NTAN1: variants seen among roughly 807,000 people sequenced by gnomAD.
The protein encoded by NTAN1 is N-terminal asparagine amidase.
Under a neutral mutation model 41.9 loss-of-function variants are expected in NTAN1, and 32 were observed. That is an observed-to-expected ratio of 0.76 (90% CI 0.58 to 1.03). The LOEUF is 1.03. Among genes scored for constraint, NTAN1 ranks in the 50% least tolerant of loss-of-function variants. The probability of loss-of-function intolerance (pLI) is 0.00; values close to 1 mark genes in which losing one functional copy is unlikely to be tolerated. For synonymous variants in NTAN1, 140 were observed against 139.5 expected, an observed-to-expected ratio of 1.00 and a Z score of -0.03; for missense variants, 377 against 377.5, an observed-to-expected ratio of 1.00 and a Z score of 0.01.
Position 15,041,756 on chromosome 16 carries a change from G to C in NTAN1, c.434-80C>G. On this transcript the variant is annotated intron_variant, in intron 5 of 9. Transcript: ENST00000287706. ...CAAACTGCTGAGCAAGCCAACGACAGGGAGGGACGGCAGCCAACTGAGTGT... is the reference window on the plus strand; with the variant it reads ...CAAACTGCTGAGCAAGCCAACGACACGGAGGGACGGCAGCCAACTGAGTGT... The C allele has an allele frequency of 7.8e-6, 8 of 1,021,102 alleles. 1 individual carries two copies. The South Asian group carries it at 8.9e-5, about 11-fold the overall frequency. The allele number at this position is 1,021,102 out of a possible 1,614,324, so 63.3% of individuals were successfully genotyped here.
chr16:15,038,454 CAA>C, intron 9 of NTAN1, 118 bp downstream of exon 9: 1 of 657,606 alleles, frequency 1.5e-6, no homozygotes, highest in Non-Finnish European at 2.7e-6. Context: ...CAATGGCATC[CAA>C]AAAGTTACTA....
At chr16:15,041,775 T>G in intron 5 of NTAN1, 99 bp from the exon 6 acceptor site, 1 of 860,526 alleles carries the variant, frequency 1.2e-6, no homozygotes, top group East Asian at 2.5e-5. Flanking sequence ...GGCAGCCAAC[T>G]GAGTGTGCTC....
At chr16:15,046,403 C>A (rs181715365) in intron 4 of NTAN1, among the ~76,000 whole-genome samples, 4 of 152,288 alleles carry the variant, frequency 2.6e-5, no homozygotes, top group Admixed American at 6.5e-5. Flanking sequence ...GGTGTGTGAA[C>A]AGTGGTCTTG....
At chr16:15,047,578 G>A (rs1323549806) in intron 3 of NTAN1, 28 bp from the exon 4 acceptor site, 1 of 1,503,458 alleles carries the variant, frequency 6.7e-7, no homozygotes, top group East Asian at 2.3e-5. Flanking sequence ...AAGGACTCAA[G>A]TTATTCCCTG....
intron 9 of NTAN1, 131 bp downstream of exon 9, chr16:15,038,443 T>G: frequency 1.6e-6 from 1 of 640,840 alleles, no homozygotes; most frequent in Non-Finnish European, 2.8e-6. Context: ...ATGGGGTCTG[T>G]CAATGGCATC....
At chr16:15,041,728 GAACA>G (rs755598115) in intron 5 of NTAN1, 52 bp from the exon 6 acceptor site, 11 of 1,344,322 alleles carry the variant, frequency 8.2e-6, no homozygotes, top group East Asian at 2.3e-5. Context: ...CTAGTTACCA[GAACA>G]AACTGCTGAG....
At chr16:15,041,563 CTG>C (rs1351688222) in intron 6 of NTAN1, 58 bp downstream of exon 6, 14 of 1,191,202 alleles carry the variant, frequency 1.2e-5, no homozygotes, top group Non-Finnish European at 1.8e-5. Context: ...CACTGCAAGA[CTG>C]GGGACAAAAC....
At chr16:15,040,677 C>G (rs2151689575) in intron 7 of NTAN1, among the ~76,000 whole-genome samples, 1 of 152,174 alleles carries the variant, frequency 6.6e-6, no homozygotes, top group African/African-American at 2.4e-5. Flanking sequence ...TTCCTCAGTT[C>G]CTGATGTATA....
chr16:15,051,541 C>T lies in NTAN1; in HGVS notation c.82-3442G>A, dbSNP rs539376446. Among the ~76,000 whole-genome samples, 37 of 151,854 alleles carry T rather than the reference C, an allele frequency of 2.4e-4. 1 individual carries two copies. The East Asian group carries it at 7.2e-3, about 30-fold the overall frequency. ...TTTGTACTGTTTGTAGAGATGGGGT[C>T]TCCCTGTGTTGCCCAGGCTGGTCTC... On this transcript the variant is annotated intron_variant, in intron 1 of 9. Coordinates refer to ENST00000287706, the MANE Select transcript of NTAN1 (RefSeq NM_173474.4).
At chr16:15,041,532 G>A in intron 6 of NTAN1, 91 bp downstream of exon 6, 3 of 858,070 alleles carry the variant, frequency 3.5e-6, no homozygotes, top group Non-Finnish European at 6.1e-6. Context: ...AGTGACAGCA[G>A]TGTGTGCCGG....
chr16:15,043,625 CAAT>C (rs79638963), intron 5 of NTAN1, among the ~76,000 whole-genome samples: 44,141 of 151,986 alleles, frequency 0.29, 6,962 homozygotes, highest in Admixed American at 0.44. Context: ...CAACACACGA[CAAT>C]GTTTTCTTTC....
chr16:15,045,627 C>T (rs1214379337), intron 4 of NTAN1: 1 of 152,386 alleles, frequency 6.6e-6, no homozygotes, highest in African/African-American at 2.4e-5. Flanking sequence ...CAAAACAAAA[C>T]AAAAAGACTG....
chr16:15,047,605 C>T, intron 3 of NTAN1, 55 bp from the exon 4 acceptor site: 1 of 1,256,680 alleles, frequency 8.0e-7, no homozygotes, highest in South Asian at 1.2e-5. Flanking sequence ...GTGCAGTGCG[C>T]AGGCCGAGAC....
At chr16:15,045,521 C>T (rs2044023223) in intron 4 of NTAN1, 1 of 152,252 alleles carries the variant, frequency 6.6e-6, no homozygotes, top group Non-Finnish European at 1.5e-5. Context: ...CCTCTATTCC[C>T]AGCTACGCGG....
chr16:15,052,681 A>C (rs942091468), intron 1 of NTAN1, among the ~76,000 whole-genome samples: 16 of 152,116 alleles, frequency 1.1e-4, no homozygotes, highest in African/African-American at 3.6e-4. Flanking sequence ...TAAAAATACA[A>C]AAATTAGCCG....
chr16:15,046,213 T>A (rs903189807), intron 4 of NTAN1, among the ~76,000 whole-genome samples: 1 of 152,188 alleles, frequency 6.6e-6, no homozygotes, highest in African/African-American at 2.4e-5. Context: ...GAGGGAGAAT[T>A]TAGAATCGAC....
chr16:15,051,634 G>A (rs562165073), intron 1 of NTAN1, among the ~76,000 whole-genome samples: 12 of 151,932 alleles, frequency 7.9e-5, no homozygotes, highest in East Asian at 7.8e-4. Context: ...ACAGGCGCAC[G>A]CCACCACACT....
intron 1 of NTAN1, among the ~76,000 whole-genome samples, chr16:15,055,518 G>A (rs1048628043): frequency 6.6e-6 from 1 of 152,234 alleles, no homozygotes; most frequent in East Asian, 1.9e-4. Context: ...CGCAGGCTGC[G>A]GGTCCCCGAA....
At chr16:15,053,998 C>G (rs560322820) in intron 1 of NTAN1, among the ~76,000 whole-genome samples, 1 of 152,276 alleles carries the variant, frequency 6.6e-6, no homozygotes, top group Non-Finnish European at 1.5e-5. Context: ...TCCATCTAAG[C>G]CCCTTGGTCA....
Sources: allele counts gnomAD v4.1 joint callset (sites outside exome capture counted in the v4.1 genomes callset), GRCh38; gene constraint gnomAD v4.1.1; transcripts MANE v1.5; gene names NCBI Gene and HGNC (gene_info 2026-07-23, HGNC 2026-07-21).